PLXDC2: variants seen among roughly 807,000 people sequenced by gnomAD.
PLXDC2 encodes the protein plexin domain containing 2.
Under a neutral mutation model 68.9 loss-of-function variants are expected in PLXDC2, and 40 were observed. The ratio of observed to expected loss-of-function variants is 0.58; its 90% CI spans 0.45 to 0.76. The LOEUF is 0.76. Ranked by LOEUF, PLXDC2 falls within the 30% of genes least tolerant of loss-of-function variation. The pLI, the probability that PLXDC2 is intolerant of heterozygous loss-of-function variation, is 0.00. For missense variants in PLXDC2, 644 were observed against 661.9 expected (o/e 0.97, Z 0.30); for synonymous variants, 243 against 234.2 (o/e 1.04, Z -0.34).
At chr10:20,181,484 G>A (rs1834603989) in intron 9 of PLXDC2, among the ~76,000 whole-genome samples, 1 of 152,056 alleles carries the variant, frequency 6.6e-6, no homozygotes, top group Admixed American at 6.6e-5. Context: ...GAAAGAGCCA[G>A]TAGTTGTTCT....
chr10:20,283,086 CTG>C lies in PLXDC2; in HGVS notation c.*3271_*3272del, dbSNP rs1211642109. On this transcript the variant is annotated 3_prime_UTR_variant, in exon 14 of 14. Coordinates refer to ENST00000377252, the MANE Select transcript of PLXDC2 (RefSeq NM_032812.9). ...TTGAAGAAAATTTTAATGGACAATG[CTG>C]TGTTTCATTTGAATTCGTTGTCCTT... 3 of 152,112 alleles carry C rather than the reference CTG, an allele frequency of 2.0e-5. No individual in the cohort carries two copies. Among genetic ancestry groups the C allele is most frequent in the Admixed American group, 6.6e-5 (1 of 15,258 alleles). 9.4% of individuals were successfully genotyped at this position (152,112 alleles called of 1,614,324 possible).
intron 1 of PLXDC2, among the ~76,000 whole-genome samples, chr10:19,895,774 G>T (rs919490839): frequency 6.6e-6 from 1 of 152,106 alleles, no homozygotes; most frequent in African/African-American, 2.4e-5. Context: ...CATGCTAAGG[G>T]CTGGGCATGG....
At chr10:20,022,162 AGTGC>A (rs754171264) in intron 2 of PLXDC2, among the ~76,000 whole-genome samples, 37 of 152,202 alleles carry the variant, frequency 2.4e-4, no homozygotes, top group Non-Finnish European at 4.6e-4. Context: ...AGAAATTCAG[AGTGC>A]ACTTTTTTAC....
chr10:19,829,716 A>T (rs1836650332), intron 1 of PLXDC2, among the ~76,000 whole-genome samples: 1 of 152,154 alleles, frequency 6.6e-6, no homozygotes. Flanking sequence ...CAACAGAGTG[A>T]GACTCCATAT....
intron 4 of PLXDC2, among the ~76,000 whole-genome samples, chr10:20,086,326 C>CTTTAT (rs71893911): frequency 4.1e-4 from 61 of 150,214 alleles, no homozygotes; most frequent in East Asian, 1.4e-3. Context: ...CACCTGACTA[C>CTTTAT]TTTATTTTAT....
chr10:19,827,761 G>C (rs1836601382), intron 1 of PLXDC2, among the ~76,000 whole-genome samples: 1 of 152,050 alleles, frequency 6.6e-6, no homozygotes, highest in African/African-American at 2.4e-5. Flanking sequence ...GTTTCACCAT[G>C]TTGGCCAAGC....
At chr10:20,117,272 A>C (rs1833635070) in intron 4 of PLXDC2, among the ~76,000 whole-genome samples, 1 of 152,242 alleles carries the variant, frequency 6.6e-6, no homozygotes, top group South Asian at 2.1e-4. Context: ...CCAAGAGTAC[A>C]TAAATAAATA....
chr10:20,112,601 C>G (rs1038555622), intron 4 of PLXDC2, among the ~76,000 whole-genome samples: 8 of 152,318 alleles, frequency 5.3e-5, no homozygotes, highest in African/African-American at 1.9e-4. Flanking sequence ...GTTGGGAACC[C>G]TCAGAACACA....
At chr10:19,847,319 G>A (rs1325175410) in intron 1 of PLXDC2, among the ~76,000 whole-genome samples, 1 of 152,186 alleles carries the variant, frequency 6.6e-6, no homozygotes, top group Non-Finnish European at 1.5e-5. Context: ...ATTTTCATGT[G>A]TGGCAAAATG....
intron 3 of PLXDC2, among the ~76,000 whole-genome samples, chr10:20,057,925 A>G (rs1836027479): frequency 6.6e-6 from 1 of 151,974 alleles, no homozygotes; most frequent in African/African-American, 2.4e-5. Flanking sequence ...TCTGCATTAA[A>G]AAAAAAAGAT....
In PLXDC2 at chr10:19,853,928, C is replaced by G. The variant is rs145315737; in HGVS notation, c.112+36737C>G. ...TTGACTCCCCTTTATTTACTCTGGC[C>G]CTCTGCACAGGCTCTGCAGAAACCA... On this transcript the variant is annotated intron_variant, in intron 1 of 13. Transcript: ENST00000377252. Among the ~76,000 whole-genome samples the G allele has an allele frequency of 5.0e-3, 758 of 152,240 alleles. 3 individuals are homozygous for G. The highest frequency in any genetic ancestry group is 8.7e-3 in the Non-Finnish European group (595 of 68,016).
At chr10:19,869,468 A>AGGGGGG (rs555686208) in intron 1 of PLXDC2, among the ~76,000 whole-genome samples, 2 of 44,590 alleles carry the variant, frequency 4.5e-5, no homozygotes, top group African/African-American at 2.2e-4. Flanking sequence ...AGAGAGAGAA[A>AGGGGGG]GGGGGGGGGG....
intron 12 of PLXDC2, among the ~76,000 whole-genome samples, chr10:20,219,901 C>G (rs1324211209): frequency 6.6e-6 from 1 of 152,048 alleles, no homozygotes; most frequent in African/African-American, 2.4e-5. Flanking sequence ...TTGAGTAAGT[C>G]AAAATCCAAT....
chr10:20,175,610 CTT>C (rs2131824920), intron 7 of PLXDC2, among the ~76,000 whole-genome samples: 1 of 152,318 alleles, frequency 6.6e-6, no homozygotes, highest in South Asian at 2.1e-4. Flanking sequence ...AGGGGGATCA[CTT>C]GAGTCCAGGA....
intron 2 of PLXDC2, among the ~76,000 whole-genome samples, chr10:20,044,498 C>A (rs549646269): frequency 6.6e-6 from 1 of 151,622 alleles, no homozygotes; most frequent in African/African-American, 2.4e-5. Flanking sequence ...ATAGCGGAGA[C>A]GGGGTTTCAC....
intron 2 of PLXDC2, among the ~76,000 whole-genome samples, chr10:20,032,935 A>T (rs2131669045): frequency 6.6e-6 from 1 of 150,786 alleles, no homozygotes; most frequent in Admixed American, 6.6e-5. Context: ...TAGTTTTAAA[A>T]GAAAGGATCC....
At chr10:20,073,185 A>G (rs1016662176) in intron 4 of PLXDC2, among the ~76,000 whole-genome samples, 1 of 152,200 alleles carries the variant, frequency 6.6e-6, no homozygotes, top group Non-Finnish European at 1.5e-5. Context: ...TTAAAGTGAT[A>G]TGTTTTCATG....
At chr10:20,050,602 A>G (rs2131687196) in intron 3 of PLXDC2, among the ~76,000 whole-genome samples, 1 of 152,316 alleles carries the variant, frequency 6.6e-6, no homozygotes, top group East Asian at 1.9e-4. Flanking sequence ...CATATGAAAA[A>G]AAGCTCAATA....
At chr10:20,085,019 T>C (rs1418617535) in intron 4 of PLXDC2, among the ~76,000 whole-genome samples, 2 of 152,112 alleles carry the variant, frequency 1.3e-5, no homozygotes, top group Admixed American at 1.3e-4. Flanking sequence ...CTTTTTCATA[T>C]GTAAATGGCA....
Sources: gnomAD v4.1 joint callset for allele counts (sites outside exome capture counted in the v4.1 genomes callset) on GRCh38, gnomAD v4.1.1 for gene constraint, MANE v1.5 for transcripts, NCBI Gene and HGNC (gene_info 2026-07-23, HGNC 2026-07-21) for gene names.